Variants in CTDSPL observed in about 807,000 individuals in gnomAD.
CTDSPL encodes the protein CTD small phosphatase-like protein.
In CTDSPL, 8 loss-of-function variants were observed where a neutral mutation model predicts 30.5. The ratio of observed to expected loss-of-function variants is 0.26; its 90% CI spans 0.15 to 0.47. The LOEUF (loss-of-function observed/expected upper bound fraction) is 0.47. Among genes scored for constraint, CTDSPL ranks in the 20% least tolerant of loss-of-function variants. The pLI, the probability that CTDSPL is intolerant of heterozygous loss-of-function variation, is 0.99. For synonymous variants in CTDSPL, 110 were observed against 137.9 expected (o/e 0.80, Z 1.42); for missense variants, 248 against 366.1 (o/e 0.68, Z 2.63).
chr3:37,924,403 A>G (rs1698756777), intron 1 of CTDSPL, among the ~76,000 whole-genome samples: 1 of 152,176 alleles, frequency 6.6e-6, no homozygotes, highest in Non-Finnish European at 1.5e-5. Context: ...TGTGTGATAA[A>G]AATGCCAAAA....
At chr3:37,935,326 A>G (rs71323643) in intron 1 of CTDSPL, among the ~76,000 whole-genome samples, 5,179 of 136,262 alleles carry the variant, frequency 0.038, 110 homozygotes, top group Non-Finnish European at 0.056. Flanking sequence ...TAATAGGTTA[A>G]AAAAAAAACG....
Position 37,881,375 on chromosome 3 carries a change from A to G in CTDSPL, c.79+19097A>G, listed in dbSNP as rs1359126386. 2.0e-5 allele frequency among the ~76,000 whole-genome samples: 3 copies of G among 152,154 alleles called. No homozygotes were observed. In the East Asian group the frequency reaches 5.8e-4, roughly 29 times the overall value. On this transcript the variant is annotated intron_variant, in intron 1 of 7. Coordinates refer to ENST00000273179, the MANE Select transcript of CTDSPL (RefSeq NM_001008392.2). ...GAAATCCTGTCTCTACTAAAAATAC[A>G]AAAATTAGCTGGGCCTGGTGGTGGC...
At chr3:37,886,546 G>A (rs2125594514) in intron 1 of CTDSPL, among the ~76,000 whole-genome samples, 1 of 152,280 alleles carries the variant, frequency 6.6e-6, no homozygotes, top group East Asian at 1.9e-4. Flanking sequence ...AGGAAGCACA[G>A]GATGTAGAGC....
rs919697063 is a variant in CTDSPL at position 37,982,449 on chromosome 3, C to T, written c.*1582C>T. 1 of 441,550 alleles carries T rather than the reference C, an allele frequency of 2.3e-6. No individual in the cohort carries two copies. Among genetic ancestry groups the T allele is most frequent in the Admixed American group, 2.4e-5 (1 of 41,494 alleles). 27.4% of individuals were successfully genotyped at this position (441,550 alleles called of 1,614,324 possible). ...GAACCCTTTCATATTGGCACCATTG[C>T]CTTAGTCCTCTGTGGGTTGGTCTTC... On this transcript the variant is annotated 3_prime_UTR_variant, in exon 8 of 8. Transcript: ENST00000273179.
chr3:37,870,583 T>A (rs964343981), intron 1 of CTDSPL, among the ~76,000 whole-genome samples: 1 of 152,162 alleles, frequency 6.6e-6, no homozygotes, highest in Non-Finnish European at 1.5e-5. Context: ...TATCTTTATT[T>A]CCTTACTTCC....
chr3:37,884,497 A>G (rs1698242440), intron 1 of CTDSPL, among the ~76,000 whole-genome samples: 1 of 152,242 alleles, frequency 6.6e-6, no homozygotes, highest in African/African-American at 2.4e-5. Context: ...ATGAGCATGC[A>G]TCATTCCTAC....
intron 1 of CTDSPL, among the ~76,000 whole-genome samples, chr3:37,885,628 C>T (rs540526893): frequency 1.3e-5 from 2 of 152,118 alleles, no homozygotes; most frequent in South Asian, 4.2e-4. Flanking sequence ...AAGAGCAAAA[C>T]CAGGTTTGCA....
At chr3:37,865,076 A>C (rs1239784836) in intron 1 of CTDSPL, among the ~76,000 whole-genome samples, 1 of 152,230 alleles carries the variant, frequency 6.6e-6, no homozygotes, top group Admixed American at 6.5e-5. Context: ...AAGTTGAATT[A>C]CTTCTTGACA....
In CTDSPL at chr3:37,975,954, C is replaced by G; in HGVS notation, c.705+60C>G. On this transcript the variant is annotated intron_variant, in intron 7 of 7. Coordinates refer to ENST00000273179, the MANE Select transcript of CTDSPL (RefSeq NM_001008392.2). The surrounding 1 kb of genome is among the most constrained non-coding windows in gnomAD (Gnocchi z 4.9). ...CATCTGAGCCCTCTGTCTTGCCAGG[C>G]AGGTACCACTTTTGAGCACCTACAC... 1.3e-6 allele frequency: 2 copies of G among 1,552,356 alleles called. No individual in the cohort carries two copies. The highest frequency in any genetic ancestry group is 1.8e-6 in the Non-Finnish European group (2 of 1,138,454).
At chr3:37,923,044 C>T (rs781545161) in intron 1 of CTDSPL, among the ~76,000 whole-genome samples, 8 of 152,172 alleles carry the variant, frequency 5.3e-5, no homozygotes, top group African/African-American at 9.7e-5. Flanking sequence ...GTAGAGCTAC[C>T]GAGGGGCTGT....
chr3:37,948,384 C>G (rs988421419), intron 2 of CTDSPL, among the ~76,000 whole-genome samples: 4 of 152,106 alleles, frequency 2.6e-5, no homozygotes, highest in Non-Finnish European at 5.9e-5. Flanking sequence ...CAATATTAAT[C>G]TCAGTCAAAA....
At chr3:37,921,780 A>C (rs776037721) in intron 1 of CTDSPL, among the ~76,000 whole-genome samples, 4 of 152,216 alleles carry the variant, frequency 2.6e-5, no homozygotes, top group Non-Finnish European at 4.4e-5. Flanking sequence ...ACTGCTGGTC[A>C]TCCTGGGGCA....
rs949957273 is a variant in CTDSPL at position 37,862,538 on chromosome 3, G to C, written c.79+260G>C. ...ACCGGGAGGTTGTGAGTTTGTGTGC[G>C]CGCACGCCCGCAGAGAAGTTGTGAG... is the stretch of plus-strand genomic sequence containing the variant. On this transcript the variant is annotated intron_variant, in intron 1 of 7. Coordinates refer to ENST00000273179, the MANE Select transcript of CTDSPL (RefSeq NM_001008392.2). The surrounding 1 kb of genome is among the most constrained non-coding windows in gnomAD (Gnocchi z 4.3). Among the ~76,000 whole-genome samples, 1 of 152,162 alleles carries C rather than the reference G, an allele frequency of 6.6e-6. No individual in the cohort carries two copies. Among genetic ancestry groups the C allele is most frequent in the South Asian group, 2.1e-4 (1 of 4,838 alleles).
chr3:37,907,030 A>G (rs1397156754), intron 1 of CTDSPL, among the ~76,000 whole-genome samples: 4 of 152,246 alleles, frequency 2.6e-5, no homozygotes, highest in Non-Finnish European at 5.9e-5. Context: ...CACAGAGCCC[A>G]GTAGGGACAT....
intron 1 of CTDSPL, among the ~76,000 whole-genome samples, chr3:37,915,412 C>T (rs1159612409): frequency 6.6e-6 from 1 of 152,142 alleles, no homozygotes; most frequent in Admixed American, 6.5e-5. Flanking sequence ...TCCTGTGACT[C>T]TAATTATATA....
In CTDSPL at chr3:37,983,130, G is replaced by A. The variant is rs1699511731; in HGVS notation, c.*2263G>A. 1 of 153,448 alleles carries A rather than the reference G, an allele frequency of 6.5e-6. No homozygotes were observed. The highest frequency in any genetic ancestry group is 1.5e-5 in the Non-Finnish European group (1 of 68,894). The allele number at this position is 153,448 out of a possible 1,614,324, so 9.5% of individuals were successfully genotyped here. A position where few individuals can be genotyped will look rare whatever the true frequency, so the allele number is the denominator to read the frequency against. The stretch of plus-strand genomic sequence containing the variant: ...CACTAAGCCAGTGCGGAGCTGTTAG[G>A]GACGGGCCCAGCTCCTGCACCACGG... On this transcript the variant is annotated 3_prime_UTR_variant, in exon 8 of 8. Transcript: ENST00000273179.
intron 1 of CTDSPL, among the ~76,000 whole-genome samples, chr3:37,903,144 A>C (rs975308226): frequency 1.3e-5 from 2 of 152,200 alleles, no homozygotes; most frequent in South Asian, 2.1e-4. Flanking sequence ...GTAAGGGCAC[A>C]GTGGAGAGTA....
At position 37,926,882 on chromosome 3, in the gene CTDSPL, G is replaced by A. The variant is rs189278242; in HGVS notation, c.80-20175G>A. 4.6e-4 allele frequency among the ~76,000 whole-genome samples: 70 copies of A among 152,326 alleles called. 1 individual carries two copies. The highest frequency in any genetic ancestry group is 1.6e-3 in the African/African-American group (67 of 41,570). ...GGGTGGGAAAGATATCCCACAGGACGATGATCATAATGACAGAAGGCAGAA... is the reference window on the plus strand; with the variant it reads ...GGGTGGGAAAGATATCCCACAGGACAATGATCATAATGACAGAAGGCAGAA... On this transcript the variant is annotated intron_variant, in intron 1 of 7. Coordinates refer to ENST00000273179, the MANE Select transcript of CTDSPL (RefSeq NM_001008392.2).
At chr3:37,938,536 G>A (rs28510671) in intron 1 of CTDSPL, among the ~76,000 whole-genome samples, 10,573 of 150,040 alleles carry the variant, frequency 0.07, 1,005 homozygotes, top group African/African-American at 0.17. Flanking sequence ...GGACCCAGTT[G>A]TGCCTCCATC....
Sources: gnomAD v4.1 joint callset for allele counts (sites outside exome capture counted in the v4.1 genomes callset) on GRCh38, gnomAD v4.1.1 for gene constraint, Gnocchi (gnomAD v3.1) non-coding constraint, MANE v1.5 for transcripts, NCBI Gene and HGNC (gene_info 2026-07-23, HGNC 2026-07-21) for gene names.